TTC28: variants seen among roughly 807,000 people sequenced by gnomAD.
The protein encoded by TTC28 is tetratricopeptide repeat protein 28.
Under a neutral mutation model 198.0 loss-of-function variants are expected in TTC28, and 61 were observed. The ratio of observed to expected loss-of-function variants is 0.31; its 90% confidence interval spans 0.25 to 0.38. TTC28 has a LOEUF of 0.38. Ranked by LOEUF, TTC28 falls within the 10% of genes least tolerant of loss-of-function variation. The pLI is 1.00. For missense variants in TTC28, 2,678 were observed against 3,164.0 expected, an observed-to-expected ratio of 0.85 and a Z score of 3.69; for synonymous variants, 1,171 against 1,297.8, an observed-to-expected ratio of 0.90 and a Z score of 2.10.
intron 5 of TTC28, among the ~76,000 whole-genome samples, 176 bp from the exon 6 acceptor site, chr22:28,163,775 C>A (rs761769968): frequency 6.6e-6 from 1 of 152,218 alleles, no homozygotes; most frequent in East Asian, 1.9e-4. Flanking sequence ...ACTGAGGTAC[C>A]GGGTTCATCT....
chr22:28,222,226 T>C lies in TTC28; in HGVS notation c.934-58627A>G, dbSNP rs147978756. Among the ~76,000 whole-genome samples the C allele has an allele frequency of 5.0e-3, 765 of 152,300 alleles. 4 individuals are homozygous for C. Among genetic ancestry groups the C allele is most frequent in the African/African-American group, 0.017 (689 of 41,548 alleles). On this transcript the variant is annotated intron_variant, in intron 5 of 22. Transcript: ENST00000397906. ...TTTATGGACAAACTGCAAATCTGCA[T>C]GTACAGTCAGACATTTCCCCTGTTG...
At chr22:28,083,565 T>C (rs1375995932) in intron 12 of TTC28, among the ~76,000 whole-genome samples, 1 of 152,242 alleles carries the variant, frequency 6.6e-6, no homozygotes, top group East Asian at 1.9e-4. Flanking sequence ...ACAGCTCCAG[T>C]CTACAGCTCC....
rs181555216 is a variant in TTC28 at position 28,563,379 on chromosome 22, C to A, written c.381+66173G>T. ...AAAAGTCTTCTAAATTTCTTGGATT[C>A]CTTCATATAAGGTAAGTAATTCTTG... On this transcript the variant is annotated intron_variant, in intron 2 of 22. Coordinates refer to ENST00000397906, the MANE Select transcript of TTC28 (RefSeq NM_001145418.2). Among the ~76,000 whole-genome samples, 8 of 152,152 alleles carry A rather than the reference C, an allele frequency of 5.3e-5. No individual in the cohort carries two copies. In the East Asian group the frequency reaches 1.5e-3, roughly 29 times the overall value.
chr22:28,496,706 A>G (rs1316666354), intron 2 of TTC28, among the ~76,000 whole-genome samples: 2 of 151,870 alleles, frequency 1.3e-5, no homozygotes, highest in Admixed American at 6.6e-5. Flanking sequence ...TCTCCAGTCT[A>G]TTCTCCAAGC....
chr22:28,139,025 G>C (rs1432099650), intron 6 of TTC28, among the ~76,000 whole-genome samples: 1 of 151,776 alleles, frequency 6.6e-6, no homozygotes, highest in Non-Finnish European at 1.5e-5. Flanking sequence ...CTTGATTTCT[G>C]AGGTGGGGGG....
At position 28,343,911 on chromosome 22, in the gene TTC28, ATTCT is replaced by A. The variant is rs1304740689; in HGVS notation, c.382-37272_382-37269del. 5.3e-5 allele frequency among the ~76,000 whole-genome samples: 8 copies of A among 152,338 alleles called. No homozygotes were observed. The East Asian group carries it at 1.5e-3, about 29-fold the overall frequency. ...GCTTAGAGGAAGGACAAAGAAAAGG[ATTCT>A]TTATTTCAACATCAAATATACGCTA... On this transcript the variant is annotated intron_variant, in intron 2 of 22. Transcript: ENST00000397906.
At chr22:28,366,899 T>C (rs1187821861) in intron 2 of TTC28, among the ~76,000 whole-genome samples, 1 of 151,888 alleles carries the variant, frequency 6.6e-6, no homozygotes, top group African/African-American at 2.4e-5. Flanking sequence ...CACGTGTAAA[T>C]ATACATGCAC....
At chr22:28,166,753 A>G (rs1429109405) in intron 5 of TTC28, among the ~76,000 whole-genome samples, 2 of 152,234 alleles carry the variant, frequency 1.3e-5, no homozygotes, top group African/African-American at 4.8e-5. Flanking sequence ...TAACATCACA[A>G]TTAGAAGAAC....
chr22:28,250,077 A>G (rs1930413255), intron 5 of TTC28, among the ~76,000 whole-genome samples: 1 of 152,232 alleles, frequency 6.6e-6, no homozygotes. Context: ...CAGTCCCAGG[A>G]CAGTCATGGA....
intron 2 of TTC28, among the ~76,000 whole-genome samples, chr22:28,446,185 T>A (rs1272771427): frequency 1.3e-5 from 2 of 151,892 alleles, no homozygotes; most frequent in African/African-American, 4.8e-5. Context: ...TTGTTCAACT[T>A]TGTAATCCCT....
At chr22:28,336,206 A>G (rs918154514) in intron 2 of TTC28, among the ~76,000 whole-genome samples, 1 of 152,200 alleles carries the variant, frequency 6.6e-6, no homozygotes, top group Non-Finnish European at 1.5e-5. Flanking sequence ...ATCGTGGTGT[A>G]TAAGCTTGTT....
chr22:28,579,288 C>T (rs1012865922), intron 2 of TTC28, among the ~76,000 whole-genome samples: 3 of 148,554 alleles, frequency 2.0e-5, no homozygotes, highest in African/African-American at 2.5e-5. Context: ...TAACCATATA[C>T]GTATATAGCT....
intron 2 of TTC28, among the ~76,000 whole-genome samples, chr22:28,361,939 T>C (rs1156463072): frequency 6.6e-6 from 1 of 152,216 alleles, no homozygotes; most frequent in East Asian, 1.9e-4. Flanking sequence ...ACCGAATATT[T>C]TAAGCACACT....
At chr22:28,093,071 T>C (rs1176470782) in intron 12 of TTC28, among the ~76,000 whole-genome samples, 2 of 152,212 alleles carry the variant, frequency 1.3e-5, no homozygotes, top group Non-Finnish European at 2.9e-5. Flanking sequence ...AAGTCCTATT[T>C]CAGTGTTAAC....
chr22:28,337,741 C>G (rs565356485), intron 2 of TTC28, among the ~76,000 whole-genome samples: 3,376 of 152,062 alleles, frequency 0.022, 105 homozygotes, highest in African/African-American at 0.077. Flanking sequence ...TGTCTCTGCA[C>G]GTGAGATGGG....
intron 3 of TTC28, among the ~76,000 whole-genome samples, chr22:28,303,356 A>T (rs1470598638): frequency 6.6e-6 from 1 of 152,240 alleles, no homozygotes; most frequent in Non-Finnish European, 1.5e-5. Flanking sequence ...ACATAAAAGA[A>T]AGTATCAATT....
intron 5 of TTC28, among the ~76,000 whole-genome samples, chr22:28,210,639 A>G (rs1366497477): frequency 6.6e-6 from 1 of 152,134 alleles, no homozygotes; most frequent in African/African-American, 2.4e-5. Context: ...TGGGACTATG[A>G]GAAAAGACCA....
intron 6 of TTC28, among the ~76,000 whole-genome samples, chr22:28,120,469 C>T (rs537613608): frequency 6.6e-6 from 1 of 152,128 alleles, no homozygotes; most frequent in Non-Finnish European, 1.5e-5. Flanking sequence ...AGAGCTAGGA[C>T]CTGAACTCAC....
In TTC28 at chr22:28,069,287, ATTC is replaced by A. The variant is rs911852228; in HGVS notation, c.3932+24790_3932+24792del. ...TTAATTAAACATGAATCCTTGGACA[ATTC>A]ACTGAAGAGTTCTGAGCTTTGACTT... On this transcript the variant is annotated intron_variant, in intron 12 of 22. Transcript: ENST00000397906. Among the ~76,000 whole-genome samples the A allele has an allele frequency of 3.3e-5, 5 of 152,316 alleles. No individual in the cohort carries two copies. The East Asian group carries it at 5.8e-4, about 18-fold the overall frequency.
Sources: gnomAD v4.1 joint callset for allele counts (sites outside exome capture counted in the v4.1 genomes callset) on GRCh38, gnomAD v4.1.1 for gene constraint, MANE v1.5 for transcripts, NCBI Gene and HGNC (gene_info 2026-07-23, HGNC 2026-07-21) for gene names.